FSTL5: variants seen among roughly 807,000 people sequenced by gnomAD.
FSTL5 encodes follistatin like 5.
A neutral mutation model predicts 89.1 loss-of-function variants in FSTL5; 62 were observed. The ratio of observed to expected loss-of-function variants is 0.70; its 90% CI spans 0.57 to 0.86. The LOEUF (loss-of-function observed/expected upper bound fraction) is 0.86, where lower values mean the gene tolerates loss of function less well. FSTL5 is among the 40% of genes least tolerant of loss of function. The pLI is 0.00. For synonymous variants in FSTL5, 383 were observed against 346.2 expected, an observed-to-expected ratio of 1.11 and a Z score of -1.18; for missense variants, 1,057 against 1,001.6, an observed-to-expected ratio of 1.06 and a Z score of -0.75.
chr4:161,437,124 A>G (rs886987099), intron 15 of FSTL5, among the ~76,000 whole-genome samples: 1 of 152,200 alleles, frequency 6.6e-6, no homozygotes, highest in Non-Finnish European at 1.5e-5. Context: ...TAGGTTCAAC[A>G]GAGGAGGCAA....
intron 3 of FSTL5, among the ~76,000 whole-genome samples, chr4:162,004,768 C>A (rs1736567475): frequency 6.6e-6 from 1 of 152,094 alleles, no homozygotes; most frequent in Non-Finnish European, 1.5e-5. Flanking sequence ...TTTTGTTACA[C>A]TATAAAATAA....
intron 8 of FSTL5, among the ~76,000 whole-genome samples, chr4:161,567,750 G>C (rs1732867959): frequency 6.6e-6 from 1 of 151,776 alleles, no homozygotes; most frequent in Admixed American, 6.6e-5. Context: ...AAAAATAATA[G>C]TATCTGAGAA....
At chr4:161,451,464 T>C (rs915025640) in intron 15 of FSTL5, among the ~76,000 whole-genome samples, 1 of 152,170 alleles carries the variant, frequency 6.6e-6, no homozygotes, top group Admixed American at 6.5e-5. Flanking sequence ...TACAGACTTT[T>C]AGGAAAATTG....
chr4:161,728,386 C>A (rs1739493766), intron 6 of FSTL5, among the ~76,000 whole-genome samples: 1 of 151,932 alleles, frequency 6.6e-6, no homozygotes, highest in Admixed American at 6.6e-5. Context: ...TGTTGATAAC[C>A]AATTGCAAAA....
Position 161,631,374 on chromosome 4 carries a change from T to G in FSTL5, c.894+24954A>C, listed in dbSNP as rs183627974. ...CGGTCATGCCTGTAATCCTAGCATT[T>G]TGGGAGGCCAAGGCAGATGGATCAC... On this transcript the variant is annotated intron_variant, in intron 7 of 15. Coordinates refer to ENST00000306100, the MANE Select transcript of FSTL5 (RefSeq NM_020116.5). Among the ~76,000 whole-genome samples the G allele has an allele frequency of 2.0e-3, 299 of 152,296 alleles. 1 individual carries two copies. Among genetic ancestry groups the G allele is most frequent in the Non-Finnish European group, 3.7e-3 (252 of 68,038 alleles).
chr4:161,816,771 G>T (rs1003475441), intron 4 of FSTL5, among the ~76,000 whole-genome samples: 1 of 152,110 alleles, frequency 6.6e-6, no homozygotes, highest in Non-Finnish European at 1.5e-5. Flanking sequence ...GAGTCAAAGG[G>T]CAATAACTGG....
intron 2 of FSTL5, among the ~76,000 whole-genome samples, chr4:162,040,158 A>T (rs1737894018): frequency 6.6e-6 from 1 of 152,066 alleles, no homozygotes; most frequent in African/African-American, 2.4e-5. Context: ...GACAAATGCT[A>T]CCAATTAAAA....
At chr4:161,470,355 T>C (rs367815456) in intron 13 of FSTL5, among the ~76,000 whole-genome samples, 7 of 151,724 alleles carry the variant, frequency 4.6e-5, no homozygotes, top group East Asian at 1.9e-4. Flanking sequence ...AAGACTGCCA[T>C]TGCCCCACTG....
At chr4:162,050,994 T>C (rs1234010532) in intron 2 of FSTL5, among the ~76,000 whole-genome samples, 1 of 151,618 alleles carries the variant, frequency 6.6e-6, no homozygotes, top group African/African-American at 2.4e-5. Flanking sequence ...GTAAATGTTT[T>C]AAATTTACCA....
intron 3 of FSTL5, among the ~76,000 whole-genome samples, chr4:161,926,412 G>GT (rs747742616): frequency 0.14 from 10,027 of 69,782 alleles, 493 homozygotes; most frequent in East Asian, 0.28. Context: ...TTTTTGTTTT[G>GT]TTTTTTGTTT....
chr4:161,457,509 T>A (rs1472335375), intron 14 of FSTL5, among the ~76,000 whole-genome samples: 1 of 152,124 alleles, frequency 6.6e-6, no homozygotes, highest in East Asian at 1.9e-4. Context: ...AAGGAATTTG[T>A]CTAAACTATT....
intron 2 of FSTL5, among the ~76,000 whole-genome samples, chr4:162,103,102 G>A (rs1731068119): frequency 6.6e-6 from 1 of 152,092 alleles, no homozygotes. Flanking sequence ...AAGATCAAAA[G>A]ACGATTTTCT....
chr4:161,961,180 T>G (rs1400346508), intron 3 of FSTL5, among the ~76,000 whole-genome samples: 1 of 152,052 alleles, frequency 6.6e-6, no homozygotes, highest in Non-Finnish European at 1.5e-5. Context: ...AATGACACTG[T>G]CTCTGTACCC....
At chr4:161,663,598 C>T (rs1458076627) in intron 6 of FSTL5, among the ~76,000 whole-genome samples, 2 of 152,150 alleles carry the variant, frequency 1.3e-5, no homozygotes, top group South Asian at 2.1e-4. Context: ...CAGCCTCCCT[C>T]CCAGCTGCTT....
chr4:161,687,763 T>G (rs575919968), intron 6 of FSTL5, among the ~76,000 whole-genome samples: 1 of 152,296 alleles, frequency 6.6e-6, no homozygotes, highest in African/African-American at 2.4e-5. Flanking sequence ...CTTGCTTATG[T>G]GCAAGGAGAA....
chr4:162,064,159 T>A (rs1405928462), intron 2 of FSTL5, among the ~76,000 whole-genome samples: 2 of 152,046 alleles, frequency 1.3e-5, no homozygotes, highest in African/African-American at 4.8e-5. Flanking sequence ...CTTGTATGCA[T>A]TTCTGCTCAT....
At chr4:162,094,155 G>A (rs188010091) in intron 2 of FSTL5, among the ~76,000 whole-genome samples, 5 of 152,256 alleles carry the variant, frequency 3.3e-5, no homozygotes, top group African/African-American at 4.8e-5. Flanking sequence ...TTGGGAGGCC[G>A]AGGGAGGCAG....
At chr4:161,695,872 T>C (rs1738143569) in intron 6 of FSTL5, among the ~76,000 whole-genome samples, 1 of 152,136 alleles carries the variant, frequency 6.6e-6, no homozygotes, top group African/African-American at 2.4e-5. Context: ...CTTTGTTGGA[T>C]GTATATATTG....
intron 1 of FSTL5, among the ~76,000 whole-genome samples, chr4:162,130,188 C>T (rs72986910): frequency 0.095 from 14,527 of 152,164 alleles, 886 homozygotes; most frequent in African/African-American, 0.16. Flanking sequence ...TGGAAAAACT[C>T]TCTTTTTGTT....
Sources: allele counts gnomAD v4.1 joint callset (sites outside exome capture counted in the v4.1 genomes callset), GRCh38; gene constraint gnomAD v4.1.1; transcripts MANE v1.5; gene names NCBI Gene and HGNC (gene_info 2026-07-23, HGNC 2026-07-21).